Variants in KANK4 observed in about 807,000 individuals in gnomAD.
The protein encoded by KANK4 is KN motif and ankyrin repeat domains 4.
KANK4 carries 50 observed loss-of-function variants against 80.8 expected under a neutral mutation model. That is an observed-to-expected ratio of 0.62 (90% CI 0.49 to 0.78). KANK4 has a LOEUF of 0.78. Ranked by LOEUF, KANK4 falls within the 30% of genes least tolerant of loss-of-function variation. KANK4 has a pLI of 0.00. For synonymous variants in KANK4, 465 were observed against 506.9 expected, an observed-to-expected ratio of 0.92 and a Z score of 1.11; for missense variants, 1,196 against 1,240.1, an observed-to-expected ratio of 0.96 and a Z score of 0.53.
chr1:62,277,691 G>A (rs994716611), intron 2 of KANK4, among the ~76,000 whole-genome samples: 3 of 152,194 alleles, frequency 2.0e-5, no homozygotes, highest in African/African-American at 7.2e-5. Context: ...AGGGAGGGAA[G>A]GAAATGCCCA....
intron 3 of KANK4, chr1:62,271,911 A>G: frequency 3.3e-6 from 1 of 302,004 alleles, no homozygotes; most frequent in South Asian, 3.6e-5. Context: ...GGAGTGTAGG[A>G]GCAGAACGTA....
rs116748988 is a variant in KANK4 at position 62,241,512 on chromosome 1, C to T, written c.2884-3131G>A. Among the ~76,000 whole-genome samples, 608 of 152,320 alleles carry T rather than the reference C, an allele frequency of 4.0e-3. 6 individuals carry two copies. The highest frequency in any genetic ancestry group is 0.014 in the African/African-American group (577 of 41,560). On this transcript the variant is annotated intron_variant, in intron 9 of 9. Coordinates refer to ENST00000371153, the MANE Select transcript of KANK4 (RefSeq NM_181712.5). ...GTTATTTGATAAATTTCAGTCTCCA[C>T]GAGGTCAAGAACTTGATCTGGCCTG... is the stretch of plus-strand genomic sequence containing the variant.
intron 1 of KANK4, among the ~76,000 whole-genome samples, chr1:62,308,167 AGT>A (rs1644468602): frequency 6.6e-6 from 1 of 152,078 alleles, no homozygotes; most frequent in Non-Finnish European, 1.5e-5. Context: ...CCTAGGGAAA[AGT>A]GTTTTCTGCA....
chr1:62,244,769 T>A (rs1302192435), intron 9 of KANK4, among the ~76,000 whole-genome samples: 4 of 152,202 alleles, frequency 2.6e-5, no homozygotes, highest in Non-Finnish European at 5.9e-5. Flanking sequence ...TTGCCAAGAC[T>A]GGTCTCAAAC....
At chr1:62,244,101 A>G (rs764300294) in intron 9 of KANK4, among the ~76,000 whole-genome samples, 1 of 152,014 alleles carries the variant, frequency 6.6e-6, no homozygotes, top group Non-Finnish European at 1.5e-5. Context: ...CATTTTACAG[A>G]TGAGCATCTA....
chr1:62,274,139 C>T lies in KANK4; in HGVS notation c.965G>A (p.Ser322Asn), dbSNP rs2149143421. 1 of 1,614,170 alleles carries T rather than the reference C, an allele frequency of 6.2e-7. No homozygotes were observed. Among genetic ancestry groups the T allele is most frequent in the Non-Finnish European group, 8.5e-7 (1 of 1,180,038 alleles). The change falls in exon 3 of 10, where the codon AGC (serine) becomes AAC (asparagine). Residue 322 changes from serine to asparagine, a missense_variant. Physicochemically the swap from Ser to Asn is conservative, Grantham distance 46. This residue lies in a region of KANK4 where 1,154 missense variants were observed against 1,179.6 expected (regional missense o/e 0.98). Coordinates refer to ENST00000371153, the MANE Select transcript of KANK4 (RefSeq NM_181712.5). ...TTCCTCAGTTACCCTGATGCCAATGCTTCTCATGTCCACCTCTACAGGTGG... is the reference window on the plus strand; with the variant it reads ...TTCCTCAGTTACCCTGATGCCAATGTTTCTCATGTCCACCTCTACAGGTGG... ...PPPPVEVDMR[S>N]IGIRVTEESL...
intron 1 of KANK4, among the ~76,000 whole-genome samples, chr1:62,305,294 G>A (rs4915812): frequency 0.34 from 52,066 of 152,002 alleles, 9,553 homozygotes; most frequent in East Asian, 0.64. Flanking sequence ...TGCAGCTGTT[G>A]ATGAATTGCT....
chr1:62,284,123 C>A (rs906470367), intron 1 of KANK4, among the ~76,000 whole-genome samples: 4 of 152,146 alleles, frequency 2.6e-5, no homozygotes, highest in Admixed American at 2.6e-4. Context: ...CCGACTCCCA[C>A]CCCCAGCCTT....
At chr1:62,252,963 TA>T in intron 8 of KANK4, 103 bp downstream of exon 8, 1 of 1,406,436 alleles carries the variant, frequency 7.1e-7, no homozygotes, top group Non-Finnish European at 9.8e-7. Context: ...CTCCTTGGGT[TA>T]AAAACTACAT....
intron 6 of KANK4, 33 bp from the exon 7 acceptor site, chr1:62,263,344 T>C: frequency 6.4e-7 from 1 of 1,551,392 alleles, no homozygotes. Context: ...TTCCAAGAGG[T>C]TCCCCGGCCA....
At chr1:62,313,929 T>C (rs1303331612) in intron 1 of KANK4, among the ~76,000 whole-genome samples, 1 of 152,184 alleles carries the variant, frequency 6.6e-6, no homozygotes, top group Non-Finnish European at 1.5e-5. Flanking sequence ...CTCAACGTCG[T>C]ACCTAATAAC....
intron 1 of KANK4, among the ~76,000 whole-genome samples, chr1:62,293,753 C>T (rs1325821432): frequency 1.3e-5 from 2 of 152,136 alleles, no homozygotes; most frequent in East Asian, 1.9e-4. Context: ...TCAGGAAGGG[C>T]GTTTTGGTAT....
intron 1 of KANK4, 57 bp from the exon 2 acceptor site, chr1:62,281,691 G>C (rs1332262616): frequency 2.8e-6 from 3 of 1,088,642 alleles, no homozygotes; most frequent in African/African-American, 1.5e-5. Context: ...AATAAGTATT[G>C]GGGAAACACA....
At chr1:62,290,070 T>C (rs1672649090) in intron 1 of KANK4, among the ~76,000 whole-genome samples, 1 of 152,260 alleles carries the variant, frequency 6.6e-6, no homozygotes, top group Admixed American at 6.5e-5. Context: ...CATAGTCCTG[T>C]TCAATGAGTA....
intron 1 of KANK4, among the ~76,000 whole-genome samples, chr1:62,290,806 G>A (rs1236939337): frequency 3.3e-5 from 5 of 151,124 alleles, no homozygotes; most frequent in Middle Eastern, 3.2e-3. Context: ...GTGCAGTGGC[G>A]CGATCTCGGC....
chr1:62,275,424 A>T (rs950187872), intron 2 of KANK4, among the ~76,000 whole-genome samples: 26 of 152,218 alleles, frequency 1.7e-4, no homozygotes, highest in Admixed American at 3.9e-4. Context: ...TTTGAATCAC[A>T]TAATTGCTGC....
At chr1:62,294,359 AG>A (rs1312647126) in intron 1 of KANK4, among the ~76,000 whole-genome samples, 4 of 152,140 alleles carry the variant, frequency 2.6e-5, no homozygotes, top group African/African-American at 9.7e-5. Context: ...AAGCCTCTCA[AG>A]GGTAGGCACA....
At position 62,238,166 on chromosome 1, in the gene KANK4, T is replaced by G. The variant is rs1557461533; in HGVS notation, c.*111A>C. ...ATGTATGTGCATATTTGACATAGTT[T>G]CTTCTCTAGAAGGGTGGCTCTCTGG... is the stretch of plus-strand genomic sequence containing the variant. On this transcript the variant is annotated 3_prime_UTR_variant, in exon 10 of 10. Coordinates refer to ENST00000371153, the MANE Select transcript of KANK4 (RefSeq NM_181712.5). The G allele has an allele frequency of 1.1e-5, 7 of 663,200 alleles. No individual in the cohort carries two copies. The highest frequency in any genetic ancestry group is 1.9e-5 in the Non-Finnish European group (7 of 378,172). The allele number at this position is 663,200 out of a possible 1,614,324, so 41.1% of individuals were successfully genotyped here. A position where few individuals can be genotyped will look rare whatever the true frequency, so the allele number is the denominator to read the frequency against.
intron 8 of KANK4, among the ~76,000 whole-genome samples, chr1:62,248,571 G>T (rs557428711): frequency 6.8e-6 from 1 of 147,632 alleles, no homozygotes; most frequent in African/African-American, 2.5e-5. Context: ...GTGAGACAAA[G>T]TCTCACTCTT....
Sources: gnomAD v4.1 joint callset for allele counts (sites outside exome capture counted in the v4.1 genomes callset) on GRCh38, gnomAD v4.1.1 for gene constraint, gnomAD v4.1.1 regional missense constraint, MANE v1.5 for transcripts, NCBI Gene and HGNC (gene_info 2026-07-23, HGNC 2026-07-21) for gene names.